Variants in SMC3 observed in about 807,000 individuals in gnomAD.
SMC3 encodes structural maintenance of chromosomes protein 3.
In SMC3, 20 loss-of-function variants were observed where a neutral mutation model predicts 171.8. The ratio of observed to expected loss-of-function variants is 0.12; its 90% CI spans 0.08 to 0.17. SMC3 has a LOEUF of 0.17. Among genes scored for constraint, SMC3 ranks in the 10% least tolerant of loss-of-function variants. The probability of loss-of-function intolerance (pLI) is 1.00; values close to 1 mark genes in which losing one functional copy is unlikely to be tolerated. For missense variants in SMC3, 543 were observed against 1,420.4 expected, an observed-to-expected ratio of 0.38 and a Z score of 9.93; for synonymous variants, 464 against 451.1, an observed-to-expected ratio of 1.03 and a Z score of -0.36.
chr10:110,585,549 T>C (rs576677186), intron 13 of SMC3, among the ~76,000 whole-genome samples: 23 of 149,932 alleles, frequency 1.5e-4, no homozygotes, highest in Non-Finnish European at 2.7e-4. Context: ...TCAGCCTTCC[T>C]AAGTGCTGGG....
intron 2 of SMC3, among the ~76,000 whole-genome samples, chr10:110,571,838 A>G (rs1319727735): frequency 3.3e-5 from 5 of 151,736 alleles, no homozygotes. Context: ...TGGGTTCATC[A>G]TATAACTTAC....
At chr10:110,596,206 G>C (rs1007042947) in intron 18 of SMC3, among the ~76,000 whole-genome samples, 192 bp from the exon 19 acceptor site, 6 of 115,960 alleles carry the variant, frequency 5.2e-5, no homozygotes, top group Non-Finnish European at 1.0e-4. Context: ...TGAGCAACAA[G>C]AGCAAGACCC....
At chr10:110,600,586 G>A in intron 22 of SMC3, 40 bp downstream of exon 22, 2 of 984,400 alleles carry the variant, frequency 2.0e-6, no homozygotes, top group Non-Finnish European at 3.3e-6. Flanking sequence ...AGGGCTCCTT[G>A]GTGGCCATGA....
intron 17 of SMC3, among the ~76,000 whole-genome samples, chr10:110,592,463 C>T (rs1383706969): frequency 1.3e-5 from 2 of 152,008 alleles, no homozygotes; most frequent in African/African-American, 4.8e-5. Flanking sequence ...ACACTGAATA[C>T]TTAACTACAT....
Position 110,568,969 on chromosome 10 carries a change from A to C in SMC3, c.47A>C (p.Asp16Ala). The change falls in exon 2 of 29, where the codon GAT becomes GCT. Residue 16 changes from aspartate (D) to alanine (A), a missense_variant. Asp to Ala is a moderately radical substitution (Grantham distance 126, BLOSUM62 -2). Transcript: ENST00000361804. ...ATCCAGGGTTTTCGAAGTTACAGAG[A>C]TCAAACAATTGTAGATCCCTTCAGT... The part of the protein sequence containing the change: ...VIIQGFRSYR[D>A]QTIVDPFSSK... 6.2e-7 allele frequency: 1 copy of C among 1,610,274 alleles called. No individual in the cohort carries two copies. Among genetic ancestry groups the C allele is most frequent in the Non-Finnish European group, 8.5e-7 (1 of 1,176,592 alleles).
chr10:110,586,749 C>A (rs1439541320), intron 13 of SMC3, among the ~76,000 whole-genome samples: 1 of 152,170 alleles, frequency 6.6e-6, no homozygotes, highest in Non-Finnish European at 1.5e-5. Context: ...CTTCTGCCTC[C>A]TGGGTTCAAG....
chr10:110,570,370 A>G (rs921955929), intron 2 of SMC3, among the ~76,000 whole-genome samples: 2 of 152,206 alleles, frequency 1.3e-5, no homozygotes, highest in Non-Finnish European at 2.9e-5. Flanking sequence ...AATTGAAGGC[A>G]GGTTTTTTTG....
rs538647233 is a variant in SMC3, at chr10:110,585,275, C to G, written c.1305+879C>G. Reference sequence around the variant, plus strand: ...GGTTACAGGCGTGAGCCACCGTGCCCAGCTGATAGTAACAATTTTTTTTTT... The same window carrying G: ...GGTTACAGGCGTGAGCCACCGTGCCGAGCTGATAGTAACAATTTTTTTTTT... On this transcript the variant is annotated intron_variant, in intron 13 of 28. Coordinates refer to ENST00000361804, the MANE Select transcript of SMC3 (RefSeq NM_005445.4). Among the ~76,000 whole-genome samples, 31 of 151,264 alleles carry G rather than the reference C, an allele frequency of 2.0e-4. No individual in the cohort carries two copies. In the South Asian group the frequency reaches 6.3e-3, roughly 31 times the overall value.
chr10:110,585,093 A>G (rs543329268), intron 13 of SMC3, among the ~76,000 whole-genome samples: 8 of 151,838 alleles, frequency 5.3e-5, no homozygotes, highest in Admixed American at 5.2e-4. Flanking sequence ...GCTCACTGCA[A>G]CCTCAGCCTC....
rs558632292 is a variant in SMC3, at chr10:110,567,725, G to T, written c.-92G>T. 1.9e-4 allele frequency: 292 copies of T among 1,499,262 alleles called. No homozygotes were observed. The highest frequency in any genetic ancestry group is 2.5e-4 in the Non-Finnish European group (270 of 1,081,010). 92.9% of individuals were successfully genotyped at this position (1,499,262 alleles called of 1,614,324 possible). ...GCTGAGGGGAGCGAGCGGCGCTTTG[G>T]GGGAGGGGTCGCGTAGGCGCCTCAC... On this transcript the variant is annotated 5_prime_UTR_variant, in exon 1 of 29. Coordinates refer to ENST00000361804, the MANE Select transcript of SMC3 (RefSeq NM_005445.4).
chr10:110,598,387 T>C, intron 20 of SMC3, 97 bp downstream of exon 20: 2 of 1,355,370 alleles, frequency 1.5e-6, no homozygotes, highest in Non-Finnish European at 2.1e-6. Flanking sequence ...GAATTTTATG[T>C]TTCATTTTTG....
At chr10:110,580,034 TTAAAA>T (rs1215462434) in intron 7 of SMC3, among the ~76,000 whole-genome samples, 1 of 152,110 alleles carries the variant, frequency 6.6e-6, no homozygotes, top group African/African-American at 2.4e-5. Context: ...TCAAAAATAT[TTAAAA>T]TAAATAAAAT....
intron 21 of SMC3, among the ~76,000 whole-genome samples, chr10:110,600,202 G>A (rs1309411896): frequency 1.3e-5 from 2 of 152,126 alleles, no homozygotes; most frequent in African/African-American, 2.4e-5. Context: ...AAAATGAAAA[G>A]CATTTAAAGA....
At chr10:110,600,342 C>G in intron 21 of SMC3, 97 bp from the exon 22 acceptor site, 1 of 736,042 alleles carries the variant, frequency 1.4e-6, no homozygotes, top group Non-Finnish European at 2.5e-6. Flanking sequence ...TTCATTTCAG[C>G]TCACATGAGC....
intron 12 of SMC3, 60 bp downstream of exon 12, chr10:110,584,022 T>A: frequency 6.3e-7 from 1 of 1,591,998 alleles, no homozygotes; most frequent in Non-Finnish European, 8.6e-7. Context: ...AACTAGGTTG[T>A]CCGAGGAGCT....
Position 110,604,489 on chromosome 10 carries a change from GAATTT to G in SMC3, c.*193_*197del, listed in dbSNP as rs940242679. 7 of 514,634 alleles carry G rather than the reference GAATTT, an allele frequency of 1.4e-5. No individual in the cohort carries two copies. Among genetic ancestry groups the G allele is most frequent in the African/African-American group, 7.8e-5 (4 of 51,456 alleles). 31.9% of individuals were successfully genotyped at this position (514,634 alleles called of 1,614,324 possible). ...TGTCATGTTTGTACTGATAGTTTAA[GAATTT>G]AATTTCCTGTACAACTTTTTGTAAA... On this transcript the variant is annotated 3_prime_UTR_variant, in exon 29 of 29. Transcript: ENST00000361804.
intron 4 of SMC3, among the ~76,000 whole-genome samples, chr10:110,576,461 G>T (rs902701705): frequency 6.6e-6 from 1 of 152,132 alleles, no homozygotes; most frequent in Non-Finnish European, 1.5e-5. Context: ...CCAATGTGAT[G>T]TGGAAAAAAA....
intron 18 of SMC3, among the ~76,000 whole-genome samples, chr10:110,595,107 C>T (rs1339354579): frequency 1.3e-5 from 2 of 151,926 alleles, no homozygotes; most frequent in Non-Finnish European, 2.9e-5. Context: ...CTCAGCCTCC[C>T]AAGTAGCTGG....
intron 25 of SMC3, 79 bp from the exon 26 acceptor site, chr10:110,602,395 G>T: frequency 8.5e-7 from 1 of 1,181,818 alleles, no homozygotes; most frequent in Non-Finnish European, 1.2e-6. Flanking sequence ...AAAAATAATT[G>T]GTTGCTTTTA....
Sources: allele counts gnomAD v4.1 joint callset (sites outside exome capture counted in the v4.1 genomes callset), GRCh38; gene constraint gnomAD v4.1.1; transcripts MANE v1.5; gene names NCBI Gene and HGNC (gene_info 2026-07-23, HGNC 2026-07-21).